Variants in ARID4A observed in about 807,000 individuals in gnomAD.
ARID4A encodes the protein AT-rich interactive domain-containing protein 4A.
Under a neutral mutation model 148.6 loss-of-function variants are expected in ARID4A, and 39 were observed. The ratio of observed to expected loss-of-function variants is 0.26; its 90% CI spans 0.20 to 0.34. The LOEUF is 0.34. Ranked by LOEUF, ARID4A falls within the 10% of genes least tolerant of loss-of-function variation. The probability of loss-of-function intolerance (pLI) is 1.00; values close to 1 mark genes in which losing one functional copy is unlikely to be tolerated. For synonymous variants in ARID4A, 475 were observed against 481.2 expected (o/e 0.99, Z 0.17); for missense variants, 1,265 against 1,449.1 (o/e 0.87, Z 2.06).
At chr14:58,332,007 CCA>C (rs1491396613) in intron 11 of ARID4A, among the ~76,000 whole-genome samples, 1 of 144,974 alleles carries the variant, frequency 6.9e-6, no homozygotes, top group African/African-American at 2.6e-5. Context: ...CCCCCCCCCC[CCA>C]AAAAACCCTG....
intron 21 of ARID4A, 37 bp from the exon 22 acceptor site, chr14:58,365,987 A>G (rs1476667510): frequency 1.3e-6 from 2 of 1,511,074 alleles, no homozygotes; most frequent in Non-Finnish European, 1.8e-6. Flanking sequence ...TAAGAATTTT[A>G]TTTATAATCT....
intron 5 of ARID4A, among the ~76,000 whole-genome samples, chr14:58,316,149 A>G (rs542904624): frequency 4.6e-5 from 7 of 152,380 alleles, no homozygotes; most frequent in African/African-American, 7.2e-5. Context: ...ATAATTTCAT[A>G]GGTAACCAAT....
At chr14:58,316,099 T>C (rs1440235423) in intron 5 of ARID4A, among the ~76,000 whole-genome samples, 1 of 152,226 alleles carries the variant, frequency 6.6e-6, no homozygotes, top group African/African-American at 2.4e-5. Context: ...GGCAAAGTGT[T>C]TGCTAATAAA....
In ARID4A at chr14:58,364,770, G is replaced by C; in HGVS notation, c.2681G>C (p.Gly894Ala). Reference sequence around the variant, plus strand: ...ACCAGTGATTGTATTGGATCTGAGGGAATGAAAAACTTAAATTTTGAACAG... The same window carrying C: ...ACCAGTGATTGTATTGGATCTGAGGCAATGAAAAACTTAAATTTTGAACAG... ...ERTSDCIGSE[G>A]MKNLNFEQHF... The change falls in exon 20 of 24, where the codon GGA becomes GCA. Residue 894 changes from glycine (G) to alanine (A), a missense_variant. Coordinates refer to ENST00000355431, the MANE Select transcript of ARID4A (RefSeq NM_002892.4). 1.2e-6 allele frequency: 2 copies of C among 1,614,058 alleles called. No individual in the cohort carries two copies. The highest frequency in any genetic ancestry group is 1.7e-6 in the Non-Finnish European group (2 of 1,179,998).
chr14:58,317,425 C>A (rs963919332), intron 5 of ARID4A, among the ~76,000 whole-genome samples: 1 of 148,972 alleles, frequency 6.7e-6, no homozygotes, highest in Non-Finnish European at 1.5e-5. Flanking sequence ...GCTGGGACTA[C>A]AGGCGCCCGC....
intron 8 of ARID4A, among the ~76,000 whole-genome samples, chr14:58,326,317 G>A (rs1483598068): frequency 6.6e-6 from 1 of 152,144 alleles, no homozygotes; most frequent in African/African-American, 2.4e-5. Flanking sequence ...GGCACCTGTA[G>A]TCCCAGCTAC....
chr14:58,333,522 T>C (rs1266251733), intron 11 of ARID4A, among the ~76,000 whole-genome samples: 1 of 152,116 alleles, frequency 6.6e-6, no homozygotes, highest in Non-Finnish European at 1.5e-5. Flanking sequence ...TGGGCCCTTT[T>C]AAAAATTTCC....
At position 58,369,840 on chromosome 14, in the gene ARID4A, G is replaced by T. The variant is rs141217854; in HGVS notation, c.3671-2046G>T. On this transcript the variant is annotated intron_variant, in intron 23 of 23. Coordinates refer to ENST00000355431, the MANE Select transcript of ARID4A (RefSeq NM_002892.4). ...AGGTGATGGTGAATGGAAGCTCTAG[G>T]ATGACCACTGCATAGCAGACCTAGA... is the stretch of plus-strand genomic sequence containing the variant. Among the ~76,000 whole-genome samples, 18 of 152,244 alleles carry T rather than the reference G, an allele frequency of 1.2e-4. No individual in the cohort carries two copies. The East Asian group carries it at 3.3e-3, about 28-fold the overall frequency.
intron 19 of ARID4A, among the ~76,000 whole-genome samples, chr14:58,362,979 G>A (rs1022989790): frequency 6.6e-6 from 1 of 152,108 alleles, no homozygotes; most frequent in African/African-American, 2.4e-5. Flanking sequence ...AATTATAAAA[G>A]GACATCCTTC....
intron 8 of ARID4A, among the ~76,000 whole-genome samples, chr14:58,327,912 A>G (rs549839291): frequency 1.2e-3 from 184 of 152,256 alleles, no homozygotes; most frequent in African/African-American, 4.1e-3. Context: ...AGCTCAAGCC[A>G]TTTGTCCACC....
At chr14:58,371,337 G>T (rs530236562) in intron 23 of ARID4A, among the ~76,000 whole-genome samples, 1 of 152,156 alleles carries the variant, frequency 6.6e-6, no homozygotes, top group Non-Finnish European at 1.5e-5. Context: ...CTTAAAAAGT[G>T]GCAAAACACC....
At chr14:58,318,681 C>T (rs1308052015) in intron 6 of ARID4A, 30 bp from the exon 7 acceptor site, 11 of 1,612,356 alleles carry the variant, frequency 6.8e-6, no homozygotes, top group South Asian at 1.1e-5. Context: ...AGAGGTAAAA[C>T]GTAATTTAAT....
rs550322500 is a variant in ARID4A, at chr14:58,323,189, G to A, written c.450-296G>A. Among the ~76,000 whole-genome samples, 10 of 151,590 alleles carry A rather than the reference G, an allele frequency of 6.6e-5. 1 individual carries two copies. The South Asian group carries it at 2.1e-3, about 31-fold the overall frequency. On this transcript the variant is annotated intron_variant, in intron 7 of 23. Transcript: ENST00000355431. ...AAAAAAAAAGTATTTGGCACAATAA[G>A]TATTTAATGGTGGTGTAATTAGGTT...
At chr14:58,365,784 T>A (rs772866722) in intron 21 of ARID4A, among the ~76,000 whole-genome samples, 162 bp downstream of exon 21, 18 of 152,218 alleles carry the variant, frequency 1.2e-4, no homozygotes, top group Non-Finnish European at 2.2e-4. Flanking sequence ...TTAGGAACTC[T>A]AGCTCATTCT....
In ARID4A at chr14:58,360,984, C is replaced by T; in HGVS notation, c.2022C>T (p.Thr674=). The T allele has an allele frequency of 6.2e-7, 1 of 1,613,986 alleles. No individual in the cohort carries two copies. Among genetic ancestry groups the T allele is most frequent in the Non-Finnish European group, 8.5e-7 (1 of 1,179,982 alleles). ...SKRGRPPLKS[T]LSSNMPYGLS... ...GGGGACGACCTCCTTTAAAATCAAC[C>T]CTCTCATCAAACATGCCGTATGGCT... The change falls in exon 19 of 24, where the codon ACC becomes ACT. Residue 674 remains threonine, a synonymous_variant. Transcript: ENST00000355431.
chr14:58,323,444 T>C, intron 7 of ARID4A, 41 bp from the exon 8 acceptor site: 1 of 1,582,860 alleles, frequency 6.3e-7, no homozygotes, highest in Non-Finnish European at 8.7e-7. Context: ...ATCAAATAAT[T>C]GTTTGTGTTA....
chr14:58,314,218 C>G (rs761510132), intron 5 of ARID4A, among the ~76,000 whole-genome samples: 3 of 152,086 alleles, frequency 2.0e-5, no homozygotes, highest in Non-Finnish European at 4.4e-5. Flanking sequence ...GAAGACTGAA[C>G]TAAAAAGAAG....
chr14:58,314,302 T>C (rs554296312), intron 5 of ARID4A, among the ~76,000 whole-genome samples: 6 of 152,344 alleles, frequency 3.9e-5, no homozygotes, highest in Non-Finnish European at 8.8e-5. Context: ...ACAAATGTTA[T>C]GTTCTTTTAG....
At chr14:58,325,198 C>T (rs914533383) in intron 8 of ARID4A, among the ~76,000 whole-genome samples, 4 of 152,168 alleles carry the variant, frequency 2.6e-5, no homozygotes, top group African/African-American at 9.7e-5. Context: ...TCCTCCTCCA[C>T]TTCTTCATCC....
Sources: allele counts gnomAD v4.1 joint callset (sites outside exome capture counted in the v4.1 genomes callset), GRCh38; gene constraint gnomAD v4.1.1; transcripts MANE v1.5; gene names NCBI Gene and HGNC (gene_info 2026-07-23, HGNC 2026-07-21).